Variants in CCDC7 observed in about 807,000 individuals in gnomAD.
CCDC7 encodes the protein coiled-coil domain containing 7.
Under a neutral mutation model 196.9 loss-of-function variants are expected in CCDC7, and 183 were observed. That is an observed-to-expected ratio of 0.93 (90% confidence interval 0.82 to 1.05). The LOEUF (loss-of-function observed/expected upper bound fraction) is 1.05. CCDC7 is among the 50% of genes least tolerant of loss of function. The pLI, the probability that CCDC7 is intolerant of heterozygous loss-of-function variation, is 0.00. For missense variants in CCDC7, 1,540 were observed against 1,482.2 expected, an observed-to-expected ratio of 1.04 and a Z score of -0.64; for synonymous variants, 525 against 484.6, an observed-to-expected ratio of 1.08 and a Z score of -1.10.
chr10:32,635,623 A>AAAAAC lies in CCDC7; in HGVS notation c.2014+481_2014+485dup, dbSNP rs541573923. The stretch of plus-strand genomic sequence containing the variant: ...AATGAAGTGAGACCCTCATTGCCAC[A>AAAAAC]AAAACAAAACAAAACAAAACCCAAA... On this transcript the variant is annotated intron_variant, in intron 20 of 41. Coordinates refer to ENST00000639629, the Ensembl canonical transcript of CCDC7. Among the ~76,000 whole-genome samples the AAAAAC allele has an allele frequency of 2.1e-3, 327 of 152,302 alleles. 6 individuals are homozygous for AAAAAC. Among genetic ancestry groups the AAAAAC allele is most frequent in the Admixed American group, 0.015 (235 of 15,294 alleles).
intron 16 of CCDC7, among the ~76,000 whole-genome samples, chr10:32,577,725 G>T (rs1347251378): frequency 6.6e-6 from 1 of 152,204 alleles, no homozygotes. Context: ...GTGCCTGTGA[G>T]TGTAGGGCCA....
At chr10:32,724,148 C>A (rs1235735100) in intron 25 of CCDC7, among the ~76,000 whole-genome samples, 2 of 152,084 alleles carry the variant, frequency 1.3e-5, no homozygotes, top group Admixed American at 6.6e-5. Flanking sequence ...AAAAGCACTC[C>A]CAGGGCCCAC....
intron 36 of CCDC7, 125 bp downstream of exon 37, chr10:32,846,084 A>G: frequency 1.3e-6 from 1 of 782,088 alleles, no homozygotes; most frequent in Non-Finnish European, 2.2e-6. Flanking sequence ...AAAAGATGCT[A>G]TTGGAAGACA....
At chr10:32,489,152 A>G (rs956834299) in intron 8 of CCDC7, among the ~76,000 whole-genome samples, 3 of 152,206 alleles carry the variant, frequency 2.0e-5, no homozygotes, top group Non-Finnish European at 4.4e-5. Context: ...TGTCTGATGC[A>G]TGATACCTGT....
At chr10:32,524,699 T>C (rs2048393507) in intron 11 of CCDC7, among the ~76,000 whole-genome samples, 1 of 152,220 alleles carries the variant, frequency 6.6e-6, no homozygotes, top group Non-Finnish European at 1.5e-5. Context: ...AAATATGGTA[T>C]GCCACTTTCT....
chr10:32,619,048 T>C (rs1012951458), intron 18 of CCDC7, among the ~76,000 whole-genome samples: 9 of 152,030 alleles, frequency 5.9e-5, no homozygotes, highest in Non-Finnish European at 1.0e-4. Context: ...TTGAATGTAT[T>C]TAATATTTCC....
At chr10:32,625,555 A>G (rs370152959) in intron 18 of CCDC7, among the ~76,000 whole-genome samples, 27 of 152,184 alleles carry the variant, frequency 1.8e-4, no homozygotes, top group African/African-American at 2.4e-4. Context: ...TAATTAACAC[A>G]TCCATCAGCT....
chr10:32,785,529 T>C (rs2081716588), intron 29 of CCDC7, among the ~76,000 whole-genome samples: 1 of 152,042 alleles, frequency 6.6e-6, no homozygotes, highest in African/African-American at 2.4e-5. Context: ...GTTAGGATTA[T>C]AAGTTCATAG....
At chr10:32,722,146 A>T (rs1216087843) in intron 25 of CCDC7, among the ~76,000 whole-genome samples, 1 of 152,132 alleles carries the variant, frequency 6.6e-6, no homozygotes, top group East Asian at 1.9e-4. Context: ...GGTAGACAAT[A>T]GCATTAGGTA....
rs375254674 is a variant in CCDC7 at position 32,758,589 on chromosome 10, G to A, written c.2906-20388G>A. Among the ~76,000 whole-genome samples, 3 of 152,148 alleles carry A rather than the reference G, an allele frequency of 2.0e-5. No individual in the cohort carries two copies. In the East Asian group the frequency reaches 5.8e-4, roughly 29 times the overall value. Reference sequence around the variant, plus strand: ...TCTCTCAATAAACTAGGTATTGATGGGACATATCTCAAAATAATGAGATAT... The same window carrying A: ...TCTCTCAATAAACTAGGTATTGATGAGACATATCTCAAAATAATGAGATAT... On this transcript the variant is annotated intron_variant, in intron 28 of 41. Coordinates refer to ENST00000639629, the Ensembl canonical transcript of CCDC7.
intron 28 of CCDC7, among the ~76,000 whole-genome samples, chr10:32,752,687 T>C (rs934672712): frequency 6.6e-6 from 1 of 152,130 alleles, no homozygotes; most frequent in Non-Finnish European, 1.5e-5. Flanking sequence ...ATGTTATTAG[T>C]GGGAGTATAT....
At chr10:32,880,485 C>G (rs2094751927), downstream of CCDC7, among the ~76,000 whole-genome samples, 1 of 152,134 alleles carries the variant, frequency 6.6e-6, no homozygotes, top group Admixed American at 6.6e-5. Context: ...TTCTCCCATT[C>G]TGTAGGTTGT....
chr10:32,456,158 T>A, intron 2 of CCDC7, 93 bp from the exon 4 acceptor site: 1 of 1,217,346 alleles, frequency 8.2e-7, no homozygotes, highest in Non-Finnish European at 1.1e-6. Flanking sequence ...TACACAAAAT[T>A]AAAATTTTTC....
intron 8 of CCDC7, among the ~76,000 whole-genome samples, chr10:32,487,768 T>C (rs1448762449): frequency 6.6e-6 from 1 of 152,238 alleles, no homozygotes; most frequent in African/African-American, 2.4e-5. Flanking sequence ...CCTGTTTGCC[T>C]GGGTATCAGC....
At chr10:32,645,082 C>G (rs1591048410) in intron 20 of CCDC7, among the ~76,000 whole-genome samples, 1 of 151,986 alleles carries the variant, frequency 6.6e-6, no homozygotes, top group Non-Finnish European at 1.5e-5. Flanking sequence ...AAATGGCCAA[C>G]AAATATATGA....
intron 28 of CCDC7, among the ~76,000 whole-genome samples, chr10:32,756,096 A>G (rs1425631670): frequency 6.6e-6 from 1 of 152,236 alleles, no homozygotes; most frequent in Non-Finnish European, 1.5e-5. Context: ...TCCAAGAAAT[A>G]TGGGACTATG....
intron 28 of CCDC7, among the ~76,000 whole-genome samples, chr10:32,777,649 G>C (rs912577351): frequency 6.6e-6 from 1 of 151,870 alleles, no homozygotes; most frequent in Non-Finnish European, 1.5e-5. Flanking sequence ...TTGAGATCAA[G>C]AGTTCGAAAC....
At chr10:32,769,248 A>G (rs1319675046) in intron 28 of CCDC7, among the ~76,000 whole-genome samples, 2 of 152,060 alleles carry the variant, frequency 1.3e-5, no homozygotes, top group Non-Finnish European at 2.9e-5. Context: ...TTGTATGTTT[A>G]CAGAAATTTA....
At chr10:32,583,574 T>C (rs1169987983) in intron 17 of CCDC7, among the ~76,000 whole-genome samples, 1 of 151,784 alleles carries the variant, frequency 6.6e-6, no homozygotes, top group African/African-American at 2.4e-5. Context: ...ATATAAAAGA[T>C]ATGTCATTCT....
Sources: allele counts gnomAD v4.1 joint callset (sites outside exome capture counted in the v4.1 genomes callset), GRCh38; gene constraint gnomAD v4.1.1; transcripts MANE v1.5; gene names NCBI Gene and HGNC (gene_info 2026-07-23, HGNC 2026-07-21).